PDZD2: variants seen among roughly 807,000 people sequenced by gnomAD.
PDZD2 encodes the protein PDZ domain-containing protein 2.
A neutral mutation model predicts 220.7 loss-of-function variants in PDZD2; 90 were observed. The ratio of observed to expected loss-of-function variants is 0.41; its 90% CI spans 0.34 to 0.49. The LOEUF (loss-of-function observed/expected upper bound fraction) is 0.49, where lower values mean the gene tolerates loss of function less well. Among genes scored for constraint, PDZD2 ranks in the 20% least tolerant of loss-of-function variants. The pLI, the probability that PDZD2 is intolerant of heterozygous loss-of-function variation, is 0.28. For synonymous variants in PDZD2, 1,375 were observed against 1,450.5 expected (o/e 0.95, Z 1.18); for missense variants, 3,174 against 3,608.5 (o/e 0.88, Z 3.08).
chr5:32,014,509 C>G (rs968451165), intron 6 of PDZD2, among the ~76,000 whole-genome samples: 5 of 152,078 alleles, frequency 3.3e-5, no homozygotes, highest in African/African-American at 1.2e-4. Context: ...TCAGTGGGGT[C>G]TGGCTTCAGT....
intron 1 of PDZD2, among the ~76,000 whole-genome samples, chr5:31,791,714 C>T (rs1222017646): frequency 6.6e-6 from 1 of 151,324 alleles, no homozygotes; most frequent in East Asian, 2.0e-4. Flanking sequence ...TTGCAACATT[C>T]AGCAGTAGGC....
At chr5:31,753,005 G>T (rs1447937564) in intron 1 of PDZD2, among the ~76,000 whole-genome samples, 1 of 152,166 alleles carries the variant, frequency 6.6e-6, no homozygotes, top group Non-Finnish European at 1.5e-5. Flanking sequence ...GTAGGCACTT[G>T]ATGATTATTA....
intron 2 of PDZD2, chr5:31,855,202 G>T (rs1361482865): frequency 6.4e-6 from 5 of 785,458 alleles, no homozygotes; most frequent in Non-Finnish European, 7.7e-6. Flanking sequence ...AAAGCCTCAG[G>T]TTTTCTGATC....
intron 1 of PDZD2, among the ~76,000 whole-genome samples, chr5:31,650,849 C>G (rs1011123195): frequency 1.3e-5 from 2 of 152,166 alleles, no homozygotes; most frequent in East Asian, 3.9e-4. Context: ...CGCGTTTCTT[C>G]CTAGCTGATA....
intron 2 of PDZD2, among the ~76,000 whole-genome samples, chr5:31,862,927 C>T (rs980292675): frequency 2.0e-5 from 3 of 152,308 alleles, no homozygotes; most frequent in Non-Finnish European, 1.5e-5. Context: ...CAGGGTTTCA[C>T]CATGTTGGCC....
At chr5:31,757,899 C>G (rs930299378) in intron 1 of PDZD2, among the ~76,000 whole-genome samples, 1 of 152,222 alleles carries the variant, frequency 6.6e-6, no homozygotes, top group Non-Finnish European at 1.5e-5. Context: ...TTTCTGTGGG[C>G]CCAGCCCAGC....
intron 2 of PDZD2, among the ~76,000 whole-genome samples, chr5:31,963,079 G>A (rs1037129068): frequency 1.3e-5 from 2 of 152,136 alleles, no homozygotes; most frequent in Non-Finnish European, 2.9e-5. Flanking sequence ...ACATGTTTGT[G>A]GCTCAAAAGC....
intron 2 of PDZD2, among the ~76,000 whole-genome samples, chr5:31,827,005 T>C (rs561335717): frequency 5.3e-5 from 8 of 152,158 alleles, no homozygotes; most frequent in Non-Finnish European, 1.2e-4. Context: ...TCTGTCCCTA[T>C]AGACAGCACG....
At chr5:31,921,441 C>T (rs1024950370) in intron 2 of PDZD2, among the ~76,000 whole-genome samples, 4 of 151,940 alleles carry the variant, frequency 2.6e-5, no homozygotes, top group African/African-American at 7.3e-5. Flanking sequence ...CCCAGCACTT[C>T]GGGAGGCCAA....
In PDZD2 at chr5:32,098,816, T is replaced by C. The variant is rs1166927741; in HGVS notation, c.8218+182T>C. On this transcript the variant is annotated intron_variant, in intron 23 of 24. Coordinates refer to ENST00000438447, the MANE Select transcript of PDZD2 (RefSeq NM_178140.4). This position sits in a 1 kb window ranked among gnomAD's most constrained non-coding sequence, Gnocchi z 4.1. ...GTGTTACAAATAAATTAGAAAAAAATTAGAAAATTAGAAAAATCCCCCCAG... is the reference window on the plus strand; with the variant it reads ...GTGTTACAAATAAATTAGAAAAAAACTAGAAAATTAGAAAAATCCCCCCAG... 6.6e-6 allele frequency among the ~76,000 whole-genome samples: 1 copy of C among 152,054 alleles called. No individual in the cohort carries two copies. Among genetic ancestry groups the C allele is most frequent in the Non-Finnish European group, 1.5e-5 (1 of 67,992 alleles).
chr5:31,878,040 C>T (rs1255637214), intron 2 of PDZD2, among the ~76,000 whole-genome samples: 1 of 152,106 alleles, frequency 6.6e-6, no homozygotes, highest in Non-Finnish European at 1.5e-5. Flanking sequence ...AGGTCTAGTC[C>T]TAGTATTTTC....
At chr5:31,923,455 T>C (rs1744464734) in intron 2 of PDZD2, 1 of 1,091,682 alleles carries the variant, frequency 9.2e-7, no homozygotes, top group African/African-American at 1.5e-5. Flanking sequence ...TTTATCCCTC[T>C]TGTGATTTAC....
chr5:32,025,249 G>A (rs1389215673), intron 6 of PDZD2, among the ~76,000 whole-genome samples: 1 of 152,154 alleles, frequency 6.6e-6, no homozygotes, highest in African/African-American at 2.4e-5. Flanking sequence ...GCCCTGGCCG[G>A]GTGCGGTGGC....
chr5:31,643,257 C>G (rs1320876558), intron 1 of PDZD2, among the ~76,000 whole-genome samples: 1 of 152,202 alleles, frequency 6.6e-6, no homozygotes, highest in Non-Finnish European at 1.5e-5. Context: ...TTGCCTGAAG[C>G]TTTCTTTCAG....
chr5:31,686,211 G>C (rs13168296), intron 1 of PDZD2, among the ~76,000 whole-genome samples: 1 of 150,680 alleles, frequency 6.6e-6, no homozygotes, highest in Non-Finnish European at 1.5e-5. Flanking sequence ...GCGACAGAGC[G>C]AGTCTCCGTC....
chr5:31,719,622 A>C (rs1373040408), intron 1 of PDZD2, among the ~76,000 whole-genome samples: 1 of 152,202 alleles, frequency 6.6e-6, no homozygotes, highest in Non-Finnish European at 1.5e-5. Flanking sequence ...TCATTAAGGG[A>C]AGCAAAATCC....
intron 1 of PDZD2, among the ~76,000 whole-genome samples, chr5:31,693,345 G>T (rs370520056): frequency 1.9e-4 from 29 of 149,772 alleles, no homozygotes; most frequent in African/African-American, 6.4e-4. Context: ...GGATTTAAGC[G>T]ATTCTTCGGT....
chr5:32,005,086 C>T (rs1326986130), intron 5 of PDZD2, among the ~76,000 whole-genome samples: 1 of 152,236 alleles, frequency 6.6e-6, no homozygotes, highest in Non-Finnish European at 1.5e-5. Context: ...AGATAGCAGC[C>T]TTCATGTGCC....
rs869254209 is a variant in PDZD2 at position 31,920,506 on chromosome 5, T to TAA, written c.477-62632_477-62631dup. ...GGGTTCGCTCTTGGTGTTATATATT[T>TAA]AAAAAAAAAAAAAAAAAAGTCCAGG... On this transcript the variant is annotated intron_variant, in intron 2 of 24. Coordinates refer to ENST00000438447, the MANE Select transcript of PDZD2 (RefSeq NM_178140.4). Among the ~76,000 whole-genome samples, 22 of 39,904 alleles carry TAA rather than the reference T, an allele frequency of 5.5e-4. No individual in the cohort carries two copies. The Middle Eastern group carries it at 0.054, about 97-fold the overall frequency. 26.2% of individuals were successfully genotyped at this position (39,904 alleles called of 152,430 possible).
Sources: gnomAD v4.1 joint callset for allele counts (sites outside exome capture counted in the v4.1 genomes callset) on GRCh38, gnomAD v4.1.1 for gene constraint, Gnocchi (gnomAD v3.1) non-coding constraint, MANE v1.5 for transcripts, NCBI Gene and HGNC (gene_info 2026-07-23, HGNC 2026-07-21) for gene names.